Variants in REEP6 observed in about 807,000 individuals in gnomAD.
REEP6 encodes receptor accessory protein 6.
In REEP6, 19 loss-of-function variants were observed where a neutral mutation model predicts 22.4. The observed-to-expected ratio is 0.85, with a 90% CI of 0.59 to 1.25. The LOEUF (loss-of-function observed/expected upper bound fraction) is 1.25, where lower values mean the gene tolerates loss of function less well. Ranked by LOEUF, REEP6 falls within the 50% of genes most tolerant of loss-of-function variation. REEP6 has a pLI of 0.00. For synonymous variants in REEP6, 121 were observed against 113.6 expected (o/e 1.06, Z -0.41); for missense variants, 273 against 251.9 (o/e 1.08, Z -0.57).
chr19:1,496,456 G>T lies in REEP6; in HGVS notation c.517+3G>T. ...GGCGGCCGGAATAACCAGGAACGGT[G>T]GGTGCTCGCAGGCGCCTGGCTGCCT... On this transcript the variant is annotated splice_donor_region_variant and intron_variant, in intron 4 of 4. Coordinates refer to ENST00000233596, the MANE Select transcript of REEP6 (RefSeq NM_138393.4). The T allele has an allele frequency of 6.2e-7, 1 of 1,609,888 alleles. No individual in the cohort carries two copies.
chr19:1,492,425 C>A (rs1255088321), intron 1 of REEP6, among the ~76,000 whole-genome samples: 1 of 152,004 alleles, frequency 6.6e-6, no homozygotes, highest in East Asian at 1.9e-4. Context: ...CCTTGCCTGG[C>A]CTAAAACTTT....
intron 1 of REEP6, among the ~76,000 whole-genome samples, chr19:1,493,142 C>T (rs148051923): frequency 2.7e-3 from 415 of 152,258 alleles, no homozygotes; most frequent in African/African-American, 9.6e-3. Context: ...CCTCCCTCCA[C>T]AGTTCTGATG....
intron 4 of REEP6, among the ~76,000 whole-genome samples, chr19:1,496,912 A>G (rs2656887): frequency 0.45 from 68,601 of 151,936 alleles, 17,304 homozygotes; most frequent in African/African-American, 0.69. Flanking sequence ...GCATGTGAGT[A>G]TATGTGTGTG....
rs1728229298 is a variant in REEP6, at chr19:1,497,837, GCCACACCACAGGC to G, written c.*629_*641del. On this transcript the variant is annotated 3_prime_UTR_variant, in exon 5 of 5. Coordinates refer to ENST00000233596, the MANE Select transcript of REEP6 (RefSeq NM_138393.4). This position sits in a 1 kb window ranked among gnomAD's most constrained non-coding sequence, Gnocchi z 6.5. Reference sequence around the variant, plus strand: ...CCACCACCGAGATCACCTGCAGCTGGCCACACCACAGGCCCCCGTGCCTGCAGCACTACTGGTG... The same window carrying G: ...CCACCACCGAGATCACCTGCAGCTGGCCCCGTGCCTGCAGCACTACTGGTG... The G allele has an allele frequency of 2.1e-6, 1 of 470,510 alleles. No homozygotes were observed. Among genetic ancestry groups the G allele is most frequent in the Non-Finnish European group, 4.4e-6 (1 of 226,960 alleles). 29.1% of individuals were successfully genotyped at this position (470,510 alleles called of 1,614,324 possible).
intron 1 of REEP6, among the ~76,000 whole-genome samples, chr19:1,493,424 C>T (rs969920978): frequency 6.6e-5 from 10 of 152,120 alleles, no homozygotes; most frequent in African/African-American, 2.2e-4. Flanking sequence ...AAGACTAAAG[C>T]AGGTGGGAGG....
At position 1,496,266 on chromosome 19, in the gene REEP6, C is replaced by A; in HGVS notation, c.349-19C>A. On this transcript the variant is annotated intron_variant, in intron 3 of 4. Coordinates refer to ENST00000233596, the MANE Select transcript of REEP6 (RefSeq NM_138393.4). ...CAGAGCTGGGTGGGCCCGCGTGTAA[C>A]TCCTGCCCCGCCCTGCAGTGCGCCT... is the stretch of plus-strand genomic sequence containing the variant. 1 of 1,592,760 alleles carries A rather than the reference C, an allele frequency of 6.3e-7. No homozygotes were observed. The highest frequency in any genetic ancestry group is 8.6e-7 in the Non-Finnish European group (1 of 1,167,470).
In REEP6 at chr19:1,497,144, G is replaced by GGCCCCCC; in HGVS notation, c.518-30_518-29insGCCCCCC. 7.6e-5 allele frequency: 101 copies of GGCCCCCC among 1,328,006 alleles called. No individual in the cohort carries two copies. The highest frequency in any genetic ancestry group is 8.9e-5 in the Non-Finnish European group (88 of 992,248). The allele number at this position is 1,328,006 out of a possible 1,614,324, so 82.3% of individuals were successfully genotyped here. A position where few individuals can be genotyped will look rare whatever the true frequency, so the allele number is the denominator to read the frequency against. ...CCGGGGAGCCCAGGCCTGCCTCACG[G>GGCCCCCC]CCCTCCCCCACCCGCCCCTCTCTCT... On this transcript the variant is annotated intron_variant, in intron 4 of 4. Coordinates refer to ENST00000233596, the MANE Select transcript of REEP6 (RefSeq NM_138393.4). The surrounding 1 kb of genome is among the most constrained non-coding windows in gnomAD (Gnocchi z 6.5).
At chr19:1,493,496 A>T (rs1305277998) in intron 1 of REEP6, among the ~76,000 whole-genome samples, 1 of 152,072 alleles carries the variant, frequency 6.6e-6, no homozygotes, top group Non-Finnish European at 1.5e-5. Flanking sequence ...CACTCTGCAG[A>T]TAGCAGCCCC....
rs1299152648 is a variant in REEP6 at position 1,497,062 on chromosome 19, G to A, written c.518-112G>A. On this transcript the variant is annotated intron_variant, in intron 4 of 4. Coordinates refer to ENST00000233596, the MANE Select transcript of REEP6 (RefSeq NM_138393.4). This position sits in a 1 kb window ranked among gnomAD's most constrained non-coding sequence, Gnocchi z 6.5. ...CCATCTCTGCTGAGGGTGGCTGCCCGGCCCCTCGACTTGTCATGCTCATAG... is the reference window on the plus strand; with the variant it reads ...CCATCTCTGCTGAGGGTGGCTGCCCAGCCCCTCGACTTGTCATGCTCATAG... The A allele has an allele frequency of 1.0e-5, 9 of 893,368 alleles. No individual in the cohort carries two copies. Among genetic ancestry groups the A allele is most frequent in the East Asian group, 5.5e-5 (2 of 36,438 alleles). The allele number at this position is 893,368 out of a possible 1,614,324, so 55.3% of individuals were successfully genotyped here.
In REEP6 at chr19:1,497,628, T is replaced by G. The variant is rs1481142285; in HGVS notation, c.*417T>G. 5 of 497,024 alleles carry G rather than the reference T, an allele frequency of 1.0e-5. No homozygotes were observed. The highest frequency in any genetic ancestry group is 2.0e-5 in the Non-Finnish European group (5 of 245,226). 30.8% of individuals were successfully genotyped at this position (497,024 alleles called of 1,614,324 possible). A position where few individuals can be genotyped will look rare whatever the true frequency, so the allele number is the denominator to read the frequency against. ...CAGCCCGGTCTCACCCATGGTCCAGTCTCCCAGCAGCAGCAACATCCCCAC... is the reference window on the plus strand; with the variant it reads ...CAGCCCGGTCTCACCCATGGTCCAGGCTCCCAGCAGCAGCAACATCCCCAC... On this transcript the variant is annotated 3_prime_UTR_variant, in exon 5 of 5. Coordinates refer to ENST00000233596, the MANE Select transcript of REEP6 (RefSeq NM_138393.4). The surrounding 1 kb of genome is among the most constrained non-coding windows in gnomAD (Gnocchi z 6.5).
chr19:1,496,921 TGC>T (rs1420457635), intron 4 of REEP6, among the ~76,000 whole-genome samples: 3 of 152,308 alleles, frequency 2.0e-5, no homozygotes, highest in African/African-American at 7.2e-5. Context: ...TATATGTGTG[TGC>T]GTGTGACCAT....
rs60263964 is a variant in REEP6, at chr19:1,496,033, C to T, written c.349-252C>T. 2,576 of 552,684 alleles carry T rather than the reference C, an allele frequency of 4.7e-3. 36 individuals are homozygous for T. The highest frequency in any genetic ancestry group is 0.037 in the African/African-American group (1,946 of 52,694). The allele number at this position is 552,684 out of a possible 1,614,324, so 34.2% of individuals were successfully genotyped here. ...GGGCCCACCCCTAAAGTGTGTCTGA[C>T]GGTGGAGACCCAGGCCTGTCCCAGT... is the stretch of plus-strand genomic sequence containing the variant. On this transcript the variant is annotated intron_variant, in intron 3 of 4. Transcript: ENST00000233596.
rs573686125 is a variant in REEP6, at chr19:1,492,259, T to C, written c.115+875T>C. Among the ~76,000 whole-genome samples the C allele has an allele frequency of 9.9e-5, 15 of 151,964 alleles. No individual in the cohort carries two copies. The South Asian group carries it at 3.1e-3, about 32-fold the overall frequency. On this transcript the variant is annotated intron_variant, in intron 1 of 4. Transcript: ENST00000233596. Reference sequence around the variant, plus strand: ...TCTACCAAGTAGCTGGGATTACAGGTACCCACCACCATGCCCGGCTAACTT... The same window carrying C: ...TCTACCAAGTAGCTGGGATTACAGGCACCCACCACCATGCCCGGCTAACTT...
In REEP6 at chr19:1,497,567, G is replaced by A. The variant is rs766679773; in HGVS notation, c.*356G>A. ...CCAGCCCCTCCCAGTCAGCCCTCCC[G>A]TCCTCGGGGCCCCTGCAGCCACCCA... On this transcript the variant is annotated 3_prime_UTR_variant, in exon 5 of 5. Transcript: ENST00000233596. The surrounding 1 kb of genome is among the most constrained non-coding windows in gnomAD (Gnocchi z 6.5). The A allele has an allele frequency of 3.2e-4, 182 of 570,240 alleles. No homozygotes were observed. The highest frequency in any genetic ancestry group is 8.1e-4 in the Middle Eastern group (3 of 3,686). 35.3% of individuals were successfully genotyped at this position (570,240 alleles called of 1,614,324 possible). A position where few individuals can be genotyped will look rare whatever the true frequency, so the allele number is the denominator to read the frequency against.
Position 1,495,458 on chromosome 19 carries a change from C to T in REEP6, c.210-11C>T, listed in dbSNP as rs1429196781. On this transcript the variant is annotated splice_polypyrimidine_tract_variant and intron_variant, in intron 2 of 4. Coordinates refer to ENST00000233596, the MANE Select transcript of REEP6 (RefSeq NM_138393.4). ...CTGGCAGCCCCTGACCCTGCTGCAC[C>T]CTCCCTGCAGAATCAAAGCTATCGA... The T allele has an allele frequency of 1.2e-6, 2 of 1,613,754 alleles. No homozygotes were observed. The highest frequency in any genetic ancestry group is 1.7e-6 in the Non-Finnish European group (2 of 1,179,982).
rs764466249 is a variant in REEP6 at position 1,497,452 on chromosome 19, C to T, written c.*241C>T. On this transcript the variant is annotated 3_prime_UTR_variant, in exon 5 of 5. Transcript: ENST00000233596. The surrounding 1 kb of genome is among the most constrained non-coding windows in gnomAD (Gnocchi z 6.5). ...CTGCCCTCTGGCTCTGGCTGTGGCTCCCGCCTGTCCGGCAGGGCCCAGGGC... is the reference window on the plus strand; with the variant it reads ...CTGCCCTCTGGCTCTGGCTGTGGCTTCCGCCTGTCCGGCAGGGCCCAGGGC... 2.8e-6 allele frequency: 2 copies of T among 706,440 alleles called. No individual in the cohort carries two copies. 43.8% of individuals were successfully genotyped at this position (706,440 alleles called of 1,614,324 possible). A position where few individuals can be genotyped will look rare whatever the true frequency, so the allele number is the denominator to read the frequency against.
In REEP6 at chr19:1,491,379, C is replaced by A; in HGVS notation, c.110C>A (p.Ala37Asp). ...ACCGGGGTGGAGAAGCGGTATCTGG[C>A]TGCAGGTGAGCCGTCGGCGCTAGCC... ...AKTGVEKRYL[A>D]AGAVTLLSLY... is the part of the protein sequence containing the mutation. The change falls in exon 1 of 5, where the codon GCT (alanine) becomes GAT (aspartate). Residue 37 changes from alanine (A) to aspartate (D), a missense_variant. Ala to Asp is a moderately radical substitution (Grantham distance 126). Transcript: ENST00000233596. This position sits in a 1 kb window ranked among gnomAD's most constrained non-coding sequence, Gnocchi z 5.4. The A allele has an allele frequency of 6.9e-7, 1 of 1,454,354 alleles. No individual in the cohort carries two copies. Among genetic ancestry groups the A allele is most frequent in the Non-Finnish European group, 9.1e-7 (1 of 1,103,554 alleles). The allele number at this position is 1,454,354 out of a possible 1,614,324, so 90.1% of individuals were successfully genotyped here.
At position 1,497,372 on chromosome 19, in the gene REEP6, G is replaced by A. The variant is rs551486313; in HGVS notation, c.*161G>A. The stretch of plus-strand genomic sequence containing the variant: ...TGGGGGTCTCCTTAAATGCCACCTC[G>A]GGCAAGTCCCAGTCCCAGTCCTCGG... On this transcript the variant is annotated 3_prime_UTR_variant, in exon 5 of 5. Coordinates refer to ENST00000233596, the MANE Select transcript of REEP6 (RefSeq NM_138393.4). This position sits in a 1 kb window ranked among gnomAD's most constrained non-coding sequence, Gnocchi z 6.5. The A allele has an allele frequency of 1.5e-5, 11 of 748,072 alleles. No homozygotes were observed. The highest frequency in any genetic ancestry group is 2.9e-5 in the South Asian group (2 of 67,904). 46.3% of individuals were successfully genotyped at this position (748,072 alleles called of 1,614,324 possible). A position where few individuals can be genotyped will look rare whatever the true frequency, so the allele number is the denominator to read the frequency against.
At chr19:1,495,937 T>G (rs918762132) in intron 3 of REEP6, 1 of 533,664 alleles carries the variant, frequency 1.9e-6, no homozygotes, top group Admixed American at 3.4e-5. Context: ...TGTCTGATGG[T>G]GGAGGGCTCA....
Sources: allele counts gnomAD v4.1 joint callset (sites outside exome capture counted in the v4.1 genomes callset), GRCh38; gene constraint gnomAD v4.1.1; non-coding constraint Gnocchi (gnomAD v3.1); transcripts MANE v1.5; gene names NCBI Gene and HGNC (gene_info 2026-07-23, HGNC 2026-07-21).